Variants in MASP1 observed in about 807,000 individuals in gnomAD.
MASP1 encodes mannan-binding lectin serine protease 1.
Under a neutral mutation model 77.1 loss-of-function variants are expected in MASP1, and 59 were observed. That is an observed-to-expected ratio of 0.77 (90% CI 0.62 to 0.95). MASP1 has a LOEUF of 0.95. Ranked by LOEUF, MASP1 falls within the 40% of genes least tolerant of loss-of-function variation. The probability of loss-of-function intolerance (pLI) is 0.00; values close to 1 mark genes in which losing one functional copy is unlikely to be tolerated. For missense variants in MASP1, 885 were observed against 912.9 expected (o/e 0.97, Z 0.39); for synonymous variants, 362 against 354.5 (o/e 1.02, Z -0.24).
chr3:187,254,062 G>A (rs1383280759), intron 5 of MASP1, among the ~76,000 whole-genome samples: 5 of 152,142 alleles, frequency 3.3e-5, no homozygotes, highest in African/African-American at 7.2e-5. Context: ...GAAGGGCAGA[G>A]TGCTGTCTGG....
In MASP1 at chr3:187,220,243, G is replaced by T. The variant is rs536677365; in HGVS notation, c.1928C>A (p.Ala643Glu). 1.2e-5 allele frequency: 20 copies of T among 1,614,034 alleles called. No homozygotes were observed. The African/African-American group carries it at 2.3e-4, about 18-fold the overall frequency. Residue 643 changes from alanine (A) to glutamate (E), a missense_variant, in exon 16 of 16, where the codon GCG becomes GAG. Coordinates refer to the MASP1 transcript ENST00000337774. The stretch of plus-strand genomic sequence containing the variant: ...CACCATGGGGCCTCCAGAGTCACCC[G>T]CACAGGCGTCCTTTCCCCCTAGGTG...
At chr3:187,246,755 C>T in intron 8 of MASP1, 1 of 971,614 alleles carries the variant, frequency 1.0e-6, no homozygotes, top group Non-Finnish European at 1.2e-6. Flanking sequence ...CTAATGATGA[C>T]ATTTCAGCCC....
At chr3:187,222,823 T>C (rs1255347831) in intron 14 of MASP1, among the ~76,000 whole-genome samples, 1 of 152,180 alleles carries the variant, frequency 6.6e-6, no homozygotes, top group Non-Finnish European at 1.5e-5. Context: ...CACAGCTGGA[T>C]TGTCACCATG....
Position 187,234,137 on chromosome 3 carries a change from T to A in MASP1, c.*1547A>T. ...TTGAGACCCCTGATGGGAGCAACAA[T>A]GCAGAGGCCCTTTACAGAATGGTGA... On this transcript the variant is annotated 3_prime_UTR_variant, in exon 11 of 11. Transcript: ENST00000296280. 7.8e-7 allele frequency: 1 copy of A among 1,287,022 alleles called. No individual in the cohort carries two copies. The highest frequency in any genetic ancestry group is 1.0e-6 in the Non-Finnish European group (1 of 988,532). 79.7% of individuals were successfully genotyped at this position (1,287,022 alleles called of 1,614,324 possible).
At position 187,291,704 on chromosome 3, in the gene MASP1, C is replaced by A; in HGVS notation, c.-72G>T. On this transcript the variant is annotated 5_prime_UTR_variant, in exon 1 of 11. Transcript: ENST00000296280. ...CTTGACTTGCCTGTGAGCTCGTGCC[C>A]GGTGTGGTGTCCGTGATGCCTTATC... 6.3e-7 allele frequency: 1 copy of A among 1,586,630 alleles called. No individual in the cohort carries two copies. The highest frequency in any genetic ancestry group is 8.7e-7 in the Non-Finnish European group (1 of 1,155,080).
At chr3:187,233,810 G>T (rs1712912501), downstream of MASP1, among the ~76,000 whole-genome samples, 1 of 152,192 alleles carries the variant, frequency 6.6e-6, no homozygotes, top group African/African-American at 2.4e-5. Flanking sequence ...GGCCCAGCGT[G>T]TGGGGGGTTG....
In MASP1 at chr3:187,286,074, A is replaced by G. The variant is rs1204384791; in HGVS notation, c.6-18T>C. Reference sequence around the variant, plus strand: ...GCAGCCACCTGAAAGACATGAATGTAGGTCTACTTACATTTATAAACACAG... The same window carrying G: ...GCAGCCACCTGAAAGACATGAATGTGGGTCTACTTACATTTATAAACACAG... On this transcript the variant is annotated intron_variant, in intron 1 of 10. Coordinates refer to ENST00000296280, the MANE Select transcript of MASP1 (RefSeq NM_139125.4). 1 of 1,589,200 alleles carries G rather than the reference A, an allele frequency of 6.3e-7. No homozygotes were observed. Among genetic ancestry groups the G allele is most frequent in the Non-Finnish European group, 8.6e-7 (1 of 1,157,588 alleles).
At chr3:187,255,383 T>TA (rs142353382) in intron 5 of MASP1, among the ~76,000 whole-genome samples, 18,431 of 152,182 alleles carry the variant, frequency 0.12, 1,395 homozygotes, top group East Asian at 0.25. Context: ...GCCAACAACT[T>TA]AAATGATCTT....
intron 10 of MASP1, among the ~76,000 whole-genome samples, chr3:187,240,773 A>G (rs1713571792): frequency 6.6e-6 from 1 of 152,202 alleles, no homozygotes; most frequent in Non-Finnish European, 1.5e-5. Context: ...CTGGGATTAC[A>G]GATGCACACC....
chr3:187,274,457 T>C lies in MASP1; in HGVS notation c.237+11368A>G, dbSNP rs1217647563. ...CTGACATCCAGGTTTGGCTCAATAATTGGAATCACACAGCTGATAAGCCAC... is the reference window on the plus strand; with the variant it reads ...CTGACATCCAGGTTTGGCTCAATAACTGGAATCACACAGCTGATAAGCCAC... On this transcript the variant is annotated intron_variant, in intron 2 of 10. Transcript: ENST00000296280. Among the ~76,000 whole-genome samples, 5 of 152,118 alleles carry C rather than the reference T, an allele frequency of 3.3e-5. No individual in the cohort carries two copies. The South Asian group carries it at 1.0e-3, about 32-fold the overall frequency.
intron 15 of MASP1, among the ~76,000 whole-genome samples, chr3:187,220,526 C>T (rs1318035970): frequency 8.7e-5 from 11 of 127,102 alleles, no homozygotes; most frequent in Admixed American, 2.8e-4. Flanking sequence ...GATGGAGTCT[C>T]GCTCTGTCAC....
At chr3:187,261,615 T>C (rs1715585976) in intron 3 of MASP1, among the ~76,000 whole-genome samples, 1 of 152,200 alleles carries the variant, frequency 6.6e-6, no homozygotes, top group Non-Finnish European at 1.5e-5. Context: ...CTCTCATACA[T>C]TGGTGGACAG....
intron 2 of MASP1, among the ~76,000 whole-genome samples, chr3:187,266,917 A>G (rs138665124): frequency 1.5e-3 from 233 of 152,332 alleles, no homozygotes; most frequent in African/African-American, 5.5e-3. Flanking sequence ...ACTCTAGGGA[A>G]GGACAGCTAC....
chr3:187,234,179 G>A lies in MASP1; in HGVS notation c.*1505C>T. ...GAATGGTGAAGCATATGATATAAAA[G>A]ATACAAAATATAACATCATTTACAT... is the stretch of plus-strand genomic sequence containing the variant. On this transcript the variant is annotated 3_prime_UTR_variant, in exon 11 of 11. Coordinates refer to ENST00000296280, the MANE Select transcript of MASP1 (RefSeq NM_139125.4). 1 of 1,287,206 alleles carries A rather than the reference G, an allele frequency of 7.8e-7. No individual in the cohort carries two copies. Among genetic ancestry groups the A allele is most frequent in the Non-Finnish European group, 1.0e-6 (1 of 988,672 alleles). 79.7% of individuals were successfully genotyped at this position (1,287,206 alleles called of 1,614,324 possible).
chr3:187,247,624 T>C (rs1285128145), intron 8 of MASP1, among the ~76,000 whole-genome samples: 1 of 152,222 alleles, frequency 6.6e-6, no homozygotes, highest in South Asian at 2.1e-4. Flanking sequence ...ACATCCTGGC[T>C]CATGAGGATT....
chr3:187,273,526 T>A (rs115310733), intron 2 of MASP1, among the ~76,000 whole-genome samples: 9,122 of 152,284 alleles, frequency 0.06, 283 homozygotes, highest in Non-Finnish European at 0.076. Context: ...CGTAGGCCAA[T>A]GATTCACCGA....
intron 14 of MASP1, chr3:187,221,273 C>T (rs781031265): frequency 4.0e-5 from 28 of 694,276 alleles, no homozygotes; most frequent in Non-Finnish European, 6.6e-5. Flanking sequence ...GAGACTGCCC[C>T]ATGCTACAGG....
rs1715966889 is a variant in MASP1 at position 187,265,767 on chromosome 3, AC to A, written c.238-3048del. 2.0e-5 allele frequency among the ~76,000 whole-genome samples: 3 copies of A among 152,310 alleles called. No individual in the cohort carries two copies. The South Asian group carries it at 6.2e-4, about 32-fold the overall frequency. On this transcript the variant is annotated intron_variant, in intron 2 of 10. Transcript: ENST00000296280. ...AACTATTCTGAGATGAGAGAAAAGA[AC>A]CCACCAACCCAGAGAGTACATGACT...
intron 2 of MASP1, among the ~76,000 whole-genome samples, chr3:187,274,114 T>G (rs902656309): frequency 6.6e-6 from 1 of 151,332 alleles, no homozygotes; most frequent in Non-Finnish European, 1.5e-5. Context: ...AGGCTGAGGC[T>G]CAAGAATCGC....
Sources: allele counts gnomAD v4.1 joint callset (sites outside exome capture counted in the v4.1 genomes callset), GRCh38; gene constraint gnomAD v4.1.1; transcripts MANE v1.5; gene names NCBI Gene and HGNC (gene_info 2026-07-23, HGNC 2026-07-21).